MAGI1: variants seen among roughly 807,000 people sequenced by gnomAD.
MAGI1 encodes the protein membrane-associated guanylate kinase, WW and PDZ domain-containing protein 1.
Under a neutral mutation model 139.9 loss-of-function variants are expected in MAGI1, and 58 were observed. The observed-to-expected ratio is 0.41, with a 90% CI of 0.34 to 0.52. The LOEUF (loss-of-function observed/expected upper bound fraction) is 0.52. Among genes scored for constraint, MAGI1 ranks in the 20% least tolerant of loss-of-function variants. The probability of loss-of-function intolerance (pLI) is 0.12; values close to 1 mark genes in which losing one functional copy is unlikely to be tolerated. For missense variants in MAGI1, 1,874 were observed against 1,901.6 expected, an observed-to-expected ratio of 0.99 and a Z score of 0.27; for synonymous variants, 812 against 737.9, an observed-to-expected ratio of 1.10 and a Z score of -1.63.
At position 65,364,165 on chromosome 3, in the gene MAGI1, T is replaced by TAA. The variant is rs555186167; in HGVS notation, c.3351+498_3351+499dup. 1.3e-3 allele frequency among the ~76,000 whole-genome samples: 113 copies of TAA among 89,434 alleles called. 1 individual carries two copies. Among genetic ancestry groups the TAA allele is most frequent in the African/African-American group, 2.0e-3 (44 of 22,266 alleles). The allele number at this position is 89,434 out of a possible 152,430, so 58.7% of individuals were successfully genotyped here. A position where few individuals can be genotyped will look rare whatever the true frequency, so the allele number is the denominator to read the frequency against. ...GCAGCACAGTGAGACCCCTGTCTCT[T>TAA]AAAAAAAAAAAAAAAAAAAAAAAAA... On this transcript the variant is annotated intron_variant, in intron 20 of 22. Transcript: ENST00000402939.
At chr3:65,506,214 T>C (rs1304254046) in intron 2 of MAGI1, among the ~76,000 whole-genome samples, 3 of 152,118 alleles carry the variant, frequency 2.0e-5, no homozygotes, top group Non-Finnish European at 4.4e-5. Flanking sequence ...GGTTTCCTCA[T>C]CTCTAAAATG....
At chr3:65,405,204 C>T (rs1458467705) in intron 12 of MAGI1, among the ~76,000 whole-genome samples, 1 of 152,124 alleles carries the variant, frequency 6.6e-6, no homozygotes, top group African/African-American at 2.4e-5. Context: ...CTAAAGTTCT[C>T]TATTAAAATG....
chr3:65,378,202 G>A (rs981523236), intron 17 of MAGI1, among the ~76,000 whole-genome samples: 1 of 152,128 alleles, frequency 6.6e-6, no homozygotes, highest in Non-Finnish European at 1.5e-5. Context: ...ACTAGTTTCT[G>A]CAATCATCTG....
At chr3:65,959,251 T>A (rs149150212) in intron 1 of MAGI1, among the ~76,000 whole-genome samples, 255 of 152,320 alleles carry the variant, frequency 1.7e-3, no homozygotes, top group African/African-American at 5.6e-3. Flanking sequence ...TGATTTCTCC[T>A]TCCTCTCTAC....
At chr3:65,771,884 C>T (rs1287127070) in intron 1 of MAGI1, among the ~76,000 whole-genome samples, 1 of 152,160 alleles carries the variant, frequency 6.6e-6, no homozygotes, top group East Asian at 1.9e-4. Context: ...TATGGTTTGA[C>T]TATTTTAAAA....
chr3:65,639,691 T>C (rs2084871115), intron 1 of MAGI1, among the ~76,000 whole-genome samples: 1 of 152,104 alleles, frequency 6.6e-6, no homozygotes, highest in African/African-American at 2.4e-5. Flanking sequence ...AAAATTACTG[T>C]CCTTCCTCCA....
chr3:65,939,207 T>C (rs1400568439), intron 1 of MAGI1, among the ~76,000 whole-genome samples: 1 of 152,018 alleles, frequency 6.6e-6, no homozygotes, highest in Non-Finnish European at 1.5e-5. Flanking sequence ...ACATGAAGAG[T>C]CTTTCTATTT....
intron 1 of MAGI1, among the ~76,000 whole-genome samples, chr3:65,966,550 C>T (rs186646234): frequency 1.3e-5 from 2 of 149,928 alleles, no homozygotes; most frequent in African/African-American, 4.9e-5. Context: ...CCTAGAAGTT[C>T]GAGGTCGCAG....
chr3:65,730,858 T>A (rs976463703), intron 1 of MAGI1, among the ~76,000 whole-genome samples: 6 of 152,106 alleles, frequency 3.9e-5, no homozygotes, highest in Admixed American at 1.3e-4. Context: ...TTGTCAGAGC[T>A]GTAGAACAGA....
chr3:65,762,260 A>C (rs1577035298), intron 1 of MAGI1, among the ~76,000 whole-genome samples: 1 of 152,164 alleles, frequency 6.6e-6, no homozygotes, highest in South Asian at 2.1e-4. Context: ...TCCCACTAAC[A>C]GTTCAGCTCC....
In MAGI1 at chr3:65,815,191, T is replaced by C. The variant is rs78063120; in HGVS notation, c.314-193103A>G. On this transcript the variant is annotated intron_variant, in intron 1 of 22. Transcript: ENST00000402939. The stretch of plus-strand genomic sequence containing the variant: ...ATTCAAGGGACTGAATAGAAGTTCC[T>C]TTCGTCAAAAAGTCTGACAATTCTG... Among the ~76,000 whole-genome samples the C allele has an allele frequency of 3.9e-3, 595 of 152,322 alleles. 2 individuals carry two copies. The highest frequency in any genetic ancestry group is 0.023 in the South Asian group (113 of 4,830).
chr3:65,472,961 G>C (rs1950644673), intron 4 of MAGI1, among the ~76,000 whole-genome samples: 1 of 152,220 alleles, frequency 6.6e-6, no homozygotes, highest in African/African-American at 2.4e-5. Context: ...ATCCGAGTTT[G>C]AATCCTGGCT....
chr3:65,822,387 G>T lies in MAGI1; in HGVS notation c.314-200299C>A, dbSNP rs536532688. The stretch of plus-strand genomic sequence containing the variant: ...TACTAAAAATACAAAAATTAGCCGA[G>T]TGCGGTGGTGCATGCCTGTAATCCC... On this transcript the variant is annotated intron_variant, in intron 1 of 22. Transcript: ENST00000402939. Among the ~76,000 whole-genome samples, 690 of 152,140 alleles carry T rather than the reference G, an allele frequency of 4.5e-3. 3 individuals carry two copies. The highest frequency in any genetic ancestry group is 6.8e-3 in the Non-Finnish European group (464 of 67,994).
chr3:65,730,372 C>T (rs2034062370), intron 1 of MAGI1, among the ~76,000 whole-genome samples: 1 of 152,164 alleles, frequency 6.6e-6, no homozygotes, highest in South Asian at 2.1e-4. Flanking sequence ...TCACAAGATG[C>T]TACTACCTTT....
At chr3:65,397,199 CAG>C (rs1944460642) in intron 13 of MAGI1, among the ~76,000 whole-genome samples, 2 of 152,164 alleles carry the variant, frequency 1.3e-5, no homozygotes, top group Non-Finnish European at 2.9e-5. Context: ...AAAAGGAAGA[CAG>C]GTGCCACACA....
At chr3:65,691,307 A>AAAAAAAAAAAAAAAAAGAAAAG (rs1388046202) in intron 1 of MAGI1, among the ~76,000 whole-genome samples, 2 of 133,658 alleles carry the variant, frequency 1.5e-5, no homozygotes, top group Non-Finnish European at 3.4e-5. Flanking sequence ...CGTCTCAAAA[A>AAAAAAAAAAAAAAAAAGAAAAG]AAAAAAAAGA....
intron 1 of MAGI1, among the ~76,000 whole-genome samples, chr3:65,696,886 G>A: frequency 6.9e-6 from 1 of 145,406 alleles, no homozygotes; most frequent in Non-Finnish European, 1.5e-5. Context: ...AAGAACTGAA[G>A]GAAATAGAGA....
intron 2 of MAGI1, among the ~76,000 whole-genome samples, chr3:65,540,786 C>G (rs748360570): frequency 6.6e-5 from 10 of 152,158 alleles, no homozygotes; most frequent in Non-Finnish European, 7.3e-5. Context: ...TGGTAAGTGC[C>G]TCTCTCCCTT....
At chr3:65,748,353 T>C (rs1215926233) in intron 1 of MAGI1, among the ~76,000 whole-genome samples, 2 of 152,172 alleles carry the variant, frequency 1.3e-5, no homozygotes, top group African/African-American at 2.4e-5. Flanking sequence ...CACAGGAATA[T>C]TCTGATTCTC....
Sources: gnomAD v4.1 joint callset for allele counts (sites outside exome capture counted in the v4.1 genomes callset) on GRCh38, gnomAD v4.1.1 for gene constraint, MANE v1.5 for transcripts, NCBI Gene and HGNC (gene_info 2026-07-23, HGNC 2026-07-21) for gene names.